Variants in DRC9 observed in about 807,000 individuals in gnomAD.
The protein encoded by DRC9 is dynein regulatory complex subunit 9.
chr3:197,959,966 A>G, the DRC9 span: 1 of 532,836 alleles, frequency 1.9e-6, no homozygotes, highest in South Asian at 2.7e-5. Flanking sequence ...CTGCCTCAAG[A>G]CACCCACATA....
chr3:197,929,200 C>A, the DRC9 span, among the ~76,000 whole-genome samples: 1 of 152,216 alleles, frequency 6.6e-6, no homozygotes, highest in Non-Finnish European at 1.5e-5. This position sits in a 1 kb window ranked among gnomAD's most constrained non-coding sequence, Gnocchi z 4.6. Context: ...CAGCCTTTCC[C>A]TGGCTAGCTC....
the DRC9 span, chr3:197,889,627 T>C: frequency 1.9e-6 from 3 of 1,614,234 alleles, no homozygotes; most frequent in South Asian, 1.1e-5. Flanking sequence ...CCTTTGCCTT[T>C]TGAATCCTTG....
the DRC9 span, chr3:197,949,745 C>G: frequency 3.5e-6 from 1 of 285,658 alleles, no homozygotes; most frequent in Non-Finnish European, 6.4e-6. Flanking sequence ...CGGCCTTTCT[C>G]TTCCATGCTA....
the DRC9 span, chr3:197,926,115 A>G: frequency 6.3e-6 from 9 of 1,435,682 alleles, no homozygotes; most frequent in South Asian, 1.0e-4. Context: ...CCTAGAAGAT[A>G]TAAGAATGAT....
chr3:197,906,623 C>T, the DRC9 span: 1 of 152,204 alleles, frequency 6.6e-6, no homozygotes, highest in Non-Finnish European at 1.5e-5. Context: ...TCAGTCATCT[C>T]AGAAGGCCTG....
At chr3:197,949,278 T>C in the DRC9 span, 1 of 152,188 alleles carries the variant, frequency 6.6e-6, no homozygotes, top group South Asian at 2.1e-4. Context: ...AATGAATGAA[T>C]CCATAGGATA....
chr3:197,893,301 A>G, the DRC9 span, among the ~76,000 whole-genome samples: 14 of 140,676 alleles, frequency 1.0e-4, no homozygotes, highest in Admixed American at 6.4e-4. Flanking sequence ...AGGTTGCGGT[A>G]AGCCCAGATC....
chr3:197,893,636 G>A, the DRC9 span, among the ~76,000 whole-genome samples: 1 of 150,760 alleles, frequency 6.6e-6, no homozygotes, highest in Non-Finnish European at 1.5e-5. Flanking sequence ...AGAGTCAGGA[G>A]ATCGAGACCA....
chr3:197,912,534 A>T, the DRC9 span: 8 of 691,192 alleles, frequency 1.2e-5, no homozygotes, highest in South Asian at 1.4e-4. Flanking sequence ...CAGATGCATA[A>T]CCCTGAAAGA....
chr3:197,889,559 A>G, the DRC9 span: 1 of 1,614,108 alleles, frequency 6.2e-7, no homozygotes, highest in African/African-American at 1.3e-5. Context: ...ATACCAGCAG[A>G]AAACACAAAA....
At chr3:197,955,452 C>G in the DRC9 span, among the ~76,000 whole-genome samples, 1 of 151,930 alleles carries the variant, frequency 6.6e-6, no homozygotes, top group African/African-American at 2.4e-5. Flanking sequence ...TTAGTAGAGA[C>G]AGGGTTTTAC....
chr3:197,896,981 A>G, the DRC9 span, among the ~76,000 whole-genome samples: 30 of 152,216 alleles, frequency 2.0e-4, no homozygotes, highest in African/African-American at 7.2e-4. Context: ...GGGTGGGGAC[A>G]CTGAACCGAA....
chr3:197,949,810 G>A, the DRC9 span: 1 of 369,902 alleles, frequency 2.7e-6, no homozygotes, highest in Non-Finnish European at 4.8e-6. Flanking sequence ...CGAGAGAAAA[G>A]CACCCCACTG....
the DRC9 span, chr3:197,953,983 CT>C: frequency 6.2e-7 from 1 of 1,611,980 alleles, no homozygotes; most frequent in South Asian, 1.1e-5. Context: ...TATTCCTCTT[CT>C]TTCCCTTTTT....
chr3:197,955,966 C>T, the DRC9 span: 29 of 593,468 alleles, frequency 4.9e-5, no homozygotes, highest in East Asian at 3.8e-4. Flanking sequence ...TAGAAGGGAA[C>T]GGGTTTTAAT....
chr3:197,944,271 T>C, the DRC9 span, among the ~76,000 whole-genome samples: 2 of 151,914 alleles, frequency 1.3e-5, no homozygotes, highest in Middle Eastern at 3.4e-3. Flanking sequence ...TTTTTTTCTT[T>C]TTTTCAGATG....
At chr3:197,950,596 C>T in the DRC9 span, 26 of 380,398 alleles carry the variant, frequency 6.8e-5, no homozygotes, top group African/African-American at 4.5e-4. Context: ...GCATAAAAGT[C>T]TTACGTGTGT....
At chr3:197,906,436 T>C in the DRC9 span, 1 of 151,782 alleles carries the variant, frequency 6.6e-6, no homozygotes, top group African/African-American at 2.4e-5. Context: ...AAACTGTTTT[T>C]CTTTTTTTTT....
the DRC9 span, chr3:197,950,199 C>G: frequency 1.2e-5 from 15 of 1,231,534 alleles, no homozygotes; most frequent in Non-Finnish European, 1.5e-5. Flanking sequence ...CCTTCTCTTA[C>G]CGCCATCTTG....
Sources: gnomAD v4.1 joint callset for allele counts (sites outside exome capture counted in the v4.1 genomes callset) on GRCh38, gnomAD v4.1.1 for gene constraint, Gnocchi (gnomAD v3.1) non-coding constraint, MANE v1.5 for transcripts, NCBI Gene and HGNC (gene_info 2026-07-23, HGNC 2026-07-21) for gene names.